Variants in TBATA observed in about 807,000 individuals in gnomAD.
TBATA encodes the protein thymus, brain and testes associated, also known as protein TBATA.
In TBATA, 47 loss-of-function variants were observed where a neutral mutation model predicts 38.7. The ratio of observed to expected loss-of-function variants is 1.21; its 90% confidence interval spans 0.96 to 1.55. The LOEUF (loss-of-function observed/expected upper bound fraction) is 1.55, where lower values mean the gene tolerates loss of function less well. TBATA is among the 40% of genes most tolerant of loss of function. The pLI, the probability that TBATA is intolerant of heterozygous loss-of-function variation, is 0.00. For missense variants in TBATA, 436 were observed against 435.6 expected (o/e 1.00, Z -0.01); for synonymous variants, 183 against 170.5 (o/e 1.07, Z -0.57).
At chr10:70,772,249 G>A (rs1317140498) in intron 10 of TBATA, 1 of 657,294 alleles carries the variant, frequency 1.5e-6, no homozygotes, top group East Asian at 3.0e-5. Flanking sequence ...TTAATTTGTT[G>A]TCTGTATTCC....
In TBATA at chr10:70,775,233, A is replaced by C; in HGVS notation, c.731T>G (p.Leu244Trp). ...ELLCRILETD[L>W]LSAIQFWLLY... is the part of the protein sequence containing the mutation. ...CAGCCAGAACTGGATTGCGCTTAGCAAGTCTGTTTCCAGGATCCGACACAG... is the reference window on the plus strand; with the variant it reads ...CAGCCAGAACTGGATTGCGCTTAGCCAGTCTGTTTCCAGGATCCGACACAG... The change falls in exon 8 of 11, where the codon TTG becomes TGG. Residue 244 changes from leucine to tryptophan, a missense_variant. Coordinates refer to ENST00000456372, the MANE Select transcript of TBATA (RefSeq NM_001318241.2). 6.2e-7 allele frequency: 1 copy of C among 1,614,172 alleles called. No individual in the cohort carries two copies. The highest frequency in any genetic ancestry group is 1.1e-5 in the South Asian group (1 of 91,090).
chr10:70,771,346 G>A lies in TBATA; in HGVS notation c.*30C>T. 1 of 1,614,156 alleles carries A rather than the reference G, an allele frequency of 6.2e-7. No homozygotes were observed. On this transcript the variant is annotated 3_prime_UTR_variant, in exon 11 of 11. Coordinates refer to ENST00000456372, the MANE Select transcript of TBATA (RefSeq NM_001318241.2). ...CCCCTGAACCCTTGGGGCTGCTCTT[G>A]AGCAAGGCAGGTGCAAGTGTTAGGG...
At chr10:70,784,432 C>A (rs1181268340) in intron 2 of TBATA, among the ~76,000 whole-genome samples, 1 of 152,100 alleles carries the variant, frequency 6.6e-6, no homozygotes, top group Non-Finnish European at 1.5e-5. Context: ...ATATATATAT[C>A]TAGCCAAAGT....
intron 8 of TBATA, among the ~76,000 whole-genome samples, chr10:70,774,807 C>G (rs1843181485): frequency 6.6e-6 from 1 of 152,188 alleles, no homozygotes; most frequent in Non-Finnish European, 1.5e-5. Flanking sequence ...CATGTGTATA[C>G]ACATGAGTAG....
chr10:70,778,933 G>T (rs1403727913), intron 5 of TBATA, among the ~76,000 whole-genome samples: 2 of 152,216 alleles, frequency 1.3e-5, no homozygotes, highest in Non-Finnish European at 2.9e-5. Context: ...TTGGTTACCT[G>T]TGCCAAGATG....
intron 3 of TBATA, chr10:70,782,412 G>T (rs776066128): frequency 1.5e-6 from 2 of 1,302,646 alleles, no homozygotes; most frequent in Non-Finnish European, 2.0e-6. Flanking sequence ...CTGGGGATGG[G>T]GATGGTCTCA....
At chr10:70,779,454 A>G in intron 5 of TBATA, 139 bp downstream of exon 5, 1 of 1,020,714 alleles carries the variant, frequency 9.8e-7, no homozygotes, top group Non-Finnish European at 1.3e-6. Context: ...AGGAAATGGG[A>G]GAAAAAGTGG....
chr10:70,774,799 T>A (rs1251144289), intron 8 of TBATA, among the ~76,000 whole-genome samples: 1 of 152,224 alleles, frequency 6.6e-6, no homozygotes, highest in Non-Finnish European at 1.5e-5. Flanking sequence ...CCTGTGTTCA[T>A]GTGTATACAC....
chr10:70,776,385 C>CTCCA (rs1200219605), intron 7 of TBATA: 2 of 456,210 alleles, frequency 4.4e-6, no homozygotes, highest in Admixed American at 4.7e-5. Context: ...GTGAGGCCGC[C>CTCCA]CTATGGTGGA....
At chr10:70,777,770 C>T in intron 6 of TBATA, 1 of 443,694 alleles carries the variant, frequency 2.3e-6, no homozygotes, top group Non-Finnish European at 4.5e-6. Flanking sequence ...ACCTTAATTC[C>T]CAGCTCAGCT....
At chr10:70,784,214 A>T (rs1190834282) in intron 2 of TBATA, among the ~76,000 whole-genome samples, 1 of 152,208 alleles carries the variant, frequency 6.6e-6, no homozygotes, top group Non-Finnish European at 1.5e-5. Context: ...CGAAATTCAC[A>T]TAGTGGCTAT....
chr10:70,778,133 T>G (rs1161175371), intron 6 of TBATA, among the ~76,000 whole-genome samples: 2 of 152,070 alleles, frequency 1.3e-5, no homozygotes, highest in African/African-American at 4.8e-5. Flanking sequence ...TCTCTGCTCC[T>G]TATGCGATTA....
chr10:70,783,116 C>T (rs1242956777), intron 3 of TBATA, among the ~76,000 whole-genome samples: 3 of 152,236 alleles, frequency 2.0e-5, no homozygotes, highest in Admixed American at 6.5e-5. Context: ...TTCTGGCACC[C>T]GCTCAAGTCT....
Position 70,772,520 on chromosome 10 carries a change from T to C in TBATA, c.967A>G (p.Lys323Glu). The change falls in exon 10 of 11, where the codon AAA becomes GAA. Residue 323 changes from lysine to glutamate, a missense_variant. Coordinates refer to ENST00000456372, the MANE Select transcript of TBATA (RefSeq NM_001318241.2). ...CCACTACTTGGAATCTTACCTGGTT[T>C]TTCGCTTTTTGTAAAAGGTGATATC... ...TKISPFTKSE[K>E]PEYIGEAQVL... The C allele has an allele frequency of 6.2e-7, 1 of 1,614,166 alleles. No individual in the cohort carries two copies. The highest frequency in any genetic ancestry group is 8.5e-7 in the Non-Finnish European group (1 of 1,180,008).
At chr10:70,780,840 G>A (rs7082345) in intron 4 of TBATA, among the ~76,000 whole-genome samples, 2,286 of 152,104 alleles carry the variant, frequency 0.015, 54 homozygotes, top group African/African-American at 0.052. Context: ...TTAATCAATC[G>A]CCAAGTCCTA....
At chr10:70,783,852 C>T (rs546069201) in intron 2 of TBATA, among the ~76,000 whole-genome samples, 47 of 152,170 alleles carry the variant, frequency 3.1e-4, no homozygotes, top group African/African-American at 1.1e-3. Flanking sequence ...CTTGGTTTTG[C>T]GATGTTATAT....
chr10:70,777,439 A>C (rs899961446), intron 6 of TBATA, 101 bp from the exon 7 acceptor site: 1 of 1,096,906 alleles, frequency 9.1e-7, no homozygotes, highest in South Asian at 1.5e-5. Flanking sequence ...ATCCCAGGGC[A>C]CTTCGCCTCC....
At chr10:70,784,957 C>T (rs755629528) in intron 1 of TBATA, among the ~76,000 whole-genome samples, 184 bp from the exon 2 acceptor site, 1 of 152,090 alleles carries the variant, frequency 6.6e-6, no homozygotes, top group African/African-American at 2.4e-5. Flanking sequence ...GATATTTTTA[C>T]CCTATTTTTG....
intron 3 of TBATA, chr10:70,782,548 T>TA: frequency 8.0e-7 from 1 of 1,252,138 alleles, no homozygotes; most frequent in East Asian, 5.7e-5. Context: ...AGCTGGAGCT[T>TA]AGGCCAGACC....
Sources: gnomAD v4.1 joint callset for allele counts (sites outside exome capture counted in the v4.1 genomes callset) on GRCh38, gnomAD v4.1.1 for gene constraint, MANE v1.5 for transcripts, NCBI Gene and HGNC (gene_info 2026-07-23, HGNC 2026-07-21) for gene names.